TMEM132D: variants seen among roughly 807,000 people sequenced by gnomAD.
TMEM132D encodes the protein transmembrane protein 132D, also known as mature OL transmembrane protein.
In TMEM132D, 21 loss-of-function variants were observed where a neutral mutation model predicts 62.3. That is an observed-to-expected ratio of 0.34 (90% CI 0.24 to 0.49). The LOEUF is 0.49. Ranked by LOEUF, TMEM132D falls within the 20% of genes least tolerant of loss-of-function variation. The probability of loss-of-function intolerance (pLI) is 0.99; values close to 1 mark genes in which losing one functional copy is unlikely to be tolerated. For synonymous variants in TMEM132D, 621 were observed against 575.6 expected (o/e 1.08, Z -1.13); for missense variants, 1,346 against 1,402.8 (o/e 0.96, Z 0.65).
At chr12:129,422,907 T>TA (rs771308278) in intron 3 of TMEM132D, among the ~76,000 whole-genome samples, 2 of 149,360 alleles carry the variant, frequency 1.3e-5, no homozygotes, top group Non-Finnish European at 3.0e-5. Flanking sequence ...CATATACGTA[T>TA]TATGTATACA....
At chr12:129,119,614 T>A (rs1875997920) in intron 5 of TMEM132D, among the ~76,000 whole-genome samples, 1 of 152,122 alleles carries the variant, frequency 6.6e-6, no homozygotes, top group South Asian at 2.1e-4. Context: ...GTAATTTGCA[T>A]CAATAATATT....
chr12:129,285,256 C>T (rs748763540), intron 4 of TMEM132D, among the ~76,000 whole-genome samples: 18 of 151,466 alleles, frequency 1.2e-4, no homozygotes, highest in African/African-American at 2.4e-4. Context: ...TGGTGGCTCA[C>T]GCCTGTAATC....
At chr12:129,731,783 C>T (rs2137252565) in intron 1 of TMEM132D, among the ~76,000 whole-genome samples, 1 of 152,258 alleles carries the variant, frequency 6.6e-6, no homozygotes, top group African/African-American at 2.4e-5. Flanking sequence ...CTGCCTCAGC[C>T]TACTAAGTAG....
At chr12:129,148,296 G>A (rs978161406) in intron 5 of TMEM132D, among the ~76,000 whole-genome samples, 4 of 152,138 alleles carry the variant, frequency 2.6e-5, no homozygotes, top group Non-Finnish European at 5.9e-5. Flanking sequence ...CGTCCAAATT[G>A]CTGGAACCGG....
intron 5 of TMEM132D, among the ~76,000 whole-genome samples, chr12:129,093,949 A>G (rs1004294984): frequency 6.6e-6 from 1 of 151,966 alleles, no homozygotes; most frequent in African/African-American, 2.4e-5. Context: ...CCTATTTAAT[A>G]AATGGTGCTG....
intron 8 of TMEM132D, among the ~76,000 whole-genome samples, chr12:129,076,479 T>C (rs1234637040): frequency 1.3e-5 from 2 of 152,204 alleles, no homozygotes; most frequent in Non-Finnish European, 2.9e-5. Flanking sequence ...GTTTAGTCTT[T>C]GGAAGTAAGA....
At chr12:129,153,712 G>A (rs960479245) in intron 5 of TMEM132D, among the ~76,000 whole-genome samples, 4 of 152,152 alleles carry the variant, frequency 2.6e-5, no homozygotes, top group Non-Finnish European at 5.9e-5. Flanking sequence ...GGTTTGGGGT[G>A]CCTCCAGCAG....
rs548339746 is a variant in TMEM132D, at chr12:129,344,369, A to G, written c.1116-6552T>C. Reference sequence around the variant, plus strand: ...AAACCCCAAATGGATGATACTGAAGAGGCCCCCGCCCCAAAGGAAAATCAT... The same window carrying G: ...AAACCCCAAATGGATGATACTGAAGGGGCCCCCGCCCCAAAGGAAAATCAT... On this transcript the variant is annotated intron_variant, in intron 3 of 8. Transcript: ENST00000422113. 6.0e-4 allele frequency among the ~76,000 whole-genome samples: 92 copies of G among 152,288 alleles called. 1 individual carries two copies. The highest frequency in any genetic ancestry group is 2.2e-3 in the African/African-American group (90 of 41,572).
chr12:129,167,282 G>A (rs1264350656), intron 5 of TMEM132D, among the ~76,000 whole-genome samples: 2 of 152,056 alleles, frequency 1.3e-5, no homozygotes, highest in African/African-American at 4.8e-5. Flanking sequence ...CAGCAGGTGG[G>A]ACCACTGCAA....
intron 5 of TMEM132D, among the ~76,000 whole-genome samples, chr12:129,140,808 C>T (rs1409475165): frequency 2.7e-5 from 4 of 148,936 alleles, no homozygotes; most frequent in African/African-American, 7.4e-5. Context: ...CACTGCACTC[C>T]AGCCTGGGAG....
chr12:129,153,677 C>T (rs573432367), intron 5 of TMEM132D, among the ~76,000 whole-genome samples: 21 of 152,216 alleles, frequency 1.4e-4, no homozygotes, highest in African/African-American at 4.6e-4. Context: ...AGGAGGGTGG[C>T]TTTTCATAGA....
intron 1 of TMEM132D, among the ~76,000 whole-genome samples, chr12:129,766,807 G>A (rs1323973592): frequency 6.6e-6 from 1 of 152,132 alleles, no homozygotes; most frequent in Non-Finnish European, 1.5e-5. Context: ...TAGGAGGCAG[G>A]CAGGACTCCA....
intron 3 of TMEM132D, among the ~76,000 whole-genome samples, chr12:129,364,051 G>A (rs747672459): frequency 3.3e-5 from 5 of 152,190 alleles, no homozygotes; most frequent in Non-Finnish European, 7.3e-5. Flanking sequence ...AACAGTTCAT[G>A]TCACTCACGA....
At chr12:129,704,538 G>T (rs1376025949) in intron 1 of TMEM132D, among the ~76,000 whole-genome samples, 1 of 152,218 alleles carries the variant, frequency 6.6e-6, no homozygotes. Context: ...CTCCTGGAAT[G>T]AGTCCAAACC....
At chr12:129,820,228 G>A (rs1872506690) in intron 1 of TMEM132D, among the ~76,000 whole-genome samples, 2 of 152,144 alleles carry the variant, frequency 1.3e-5, no homozygotes, top group African/African-American at 4.8e-5. Flanking sequence ...GAATTTAGGG[G>A]CCAGTTGTTG....
At chr12:129,234,282 GA>G (rs1356647522) in intron 4 of TMEM132D, among the ~76,000 whole-genome samples, 1 of 152,188 alleles carries the variant, frequency 6.6e-6, no homozygotes, top group African/African-American at 2.4e-5. Context: ...AGGGGTGTTT[GA>G]AAATGTGGAA....
chr12:129,463,985 C>T (rs10847882), intron 3 of TMEM132D, among the ~76,000 whole-genome samples: 146,742 of 149,138 alleles, frequency 0.98, 72,240 homozygotes, highest in East Asian at 1. Flanking sequence ...TTTGGGTATA[C>T]ACCCAGTAAT....
At chr12:129,699,040 AC>A (rs1196150212) in intron 2 of TMEM132D, among the ~76,000 whole-genome samples, 1 of 152,122 alleles carries the variant, frequency 6.6e-6, no homozygotes, top group Non-Finnish European at 1.5e-5. Context: ...TAACCCAAAA[AC>A]ACTTCTACTA....
intron 3 of TMEM132D, among the ~76,000 whole-genome samples, chr12:129,367,737 T>C (rs993216074): frequency 3.3e-5 from 5 of 151,794 alleles, no homozygotes; most frequent in Admixed American, 1.3e-4. Context: ...TTTCGTTAGA[T>C]AGATAGGTTA....
Sources: allele counts gnomAD v4.1 joint callset (sites outside exome capture counted in the v4.1 genomes callset), GRCh38; gene constraint gnomAD v4.1.1; transcripts MANE v1.5; gene names NCBI Gene and HGNC (gene_info 2026-07-23, HGNC 2026-07-21).